The following SIN3A variants were observed in gnomAD, a reference collection of about 807,000 sequenced individuals.
The protein encoded by SIN3A is SIN3 transcription regulator family member A, also known as paired amphipathic helix protein Sin3a.
A neutral mutation model predicts 146.1 loss-of-function variants in SIN3A; 14 were observed. The ratio of observed to expected loss-of-function variants is 0.10; its 90% confidence interval spans 0.06 to 0.15. The LOEUF (loss-of-function observed/expected upper bound fraction) is 0.15. SIN3A is among the 10% of genes least tolerant of loss of function. SIN3A has a pLI of 1.00. For synonymous variants in SIN3A, 572 were observed against 572.0 expected (o/e 1.00, Z 0.00); for missense variants, 1,028 against 1,576.0 (o/e 0.65, Z 5.89).
At chr15:75,444,397 C>T (rs1439973404) in intron 1 of SIN3A, among the ~76,000 whole-genome samples, 2 of 151,978 alleles carry the variant, frequency 1.3e-5, no homozygotes, top group Non-Finnish European at 2.9e-5. Context: ...GCCAAGATCG[C>T]GCTACTGCAC....
At chr15:75,434,757 T>C (rs911112307) in intron 1 of SIN3A, among the ~76,000 whole-genome samples, 1 of 151,488 alleles carries the variant, frequency 6.6e-6, no homozygotes, top group Non-Finnish European at 1.5e-5. Flanking sequence ...GAGACCAGCC[T>C]GATCAACATG....
intron 19 of SIN3A, among the ~76,000 whole-genome samples, chr15:75,378,331 G>A (rs907525572): frequency 2.6e-5 from 4 of 152,180 alleles, no homozygotes; most frequent in Non-Finnish European, 4.4e-5. Flanking sequence ...TTGGGAGGCC[G>A]AGGTGGGAGG....
intron 1 of SIN3A, among the ~76,000 whole-genome samples, chr15:75,432,330 TCTGTTGGTTTAAAA>T (rs1180700517): frequency 6.6e-6 from 1 of 152,184 alleles, no homozygotes. Context: ...GGTCTTGGGT[TCTGTTGGTTTAAAA>T]CTGATGCTTA....
At chr15:75,392,085 T>C (rs1385697396) in intron 15 of SIN3A, among the ~76,000 whole-genome samples, 157 bp downstream of exon 15, 1 of 152,190 alleles carries the variant, frequency 6.6e-6, no homozygotes, top group Non-Finnish European at 1.5e-5. Context: ...CACAAGCAAC[T>C]AGAGCCTCCA....
intron 9 of SIN3A, among the ~76,000 whole-genome samples, chr15:75,406,523 T>C: frequency 6.6e-6 from 1 of 152,080 alleles, no homozygotes; most frequent in East Asian, 1.9e-4. Flanking sequence ...CCGTCTCTAC[T>C]AAAAATACAA....
Position 75,392,317 on chromosome 15 carries a change from A to G in SIN3A, c.2776T>C (p.Trp926Arg). 6.2e-7 allele frequency: 1 copy of G among 1,614,098 alleles called. No individual in the cohort carries two copies. Among genetic ancestry groups the G allele is most frequent in the Non-Finnish European group, 8.5e-7 (1 of 1,180,008 alleles). ...QIEEENRERE[W>R]EREVLGIKRD... ...TTTATGCCCAGCACTTCCCGTTCCC[A>G]TTCTCTCTCTCGGTTTTCTTCTTCA... The change falls in exon 15 of 21, where the codon TGG becomes CGG. Residue 926 changes from tryptophan to arginine, a missense_variant. Transcript: ENST00000394947.
chr15:75,421,267 A>G (rs2073836652), intron 3 of SIN3A: 1 of 152,240 alleles, frequency 6.6e-6, no homozygotes, highest in Non-Finnish European at 1.5e-5. Context: ...ATTTTGGTAC[A>G]CAGCCATCAC....
Position 75,410,302 on chromosome 15 carries a change from T to G in SIN3A, c.1009-16A>C. ...TCTGCTCTTTCTGAGGAATTGCAAA[T>G]GAAAAGAGATCATTTGGGCTACTGT... On this transcript the variant is annotated splice_polypyrimidine_tract_variant and intron_variant, in intron 6 of 20. Transcript: ENST00000394947. The G allele has an allele frequency of 6.2e-7, 1 of 1,608,728 alleles. No individual in the cohort carries two copies. The highest frequency in any genetic ancestry group is 8.5e-7 in the Non-Finnish European group (1 of 1,178,364).
chr15:75,377,827 T>C (rs913232969), intron 19 of SIN3A, among the ~76,000 whole-genome samples: 2 of 152,360 alleles, frequency 1.3e-5, no homozygotes, highest in South Asian at 4.1e-4. Flanking sequence ...ATCATCATTT[T>C]TACCCGAAAG....
At chr15:75,395,032 G>C (rs949929685) in intron 13 of SIN3A, among the ~76,000 whole-genome samples, 169 bp from the exon 14 acceptor site, 2 of 152,186 alleles carry the variant, frequency 1.3e-5, no homozygotes, top group Admixed American at 1.3e-4. Flanking sequence ...TCTGTTTCAT[G>C]AGGGAATTAC....
chr15:75,426,104 CATT>C (rs1248937287), intron 2 of SIN3A, among the ~76,000 whole-genome samples: 1 of 152,224 alleles, frequency 6.6e-6, no homozygotes, highest in African/African-American at 2.4e-5. Flanking sequence ...TATACAAACA[CATT>C]ATAGTTTCCA....
At chr15:75,381,581 G>A in intron 18 of SIN3A, 32 bp downstream of exon 18, 3 of 1,540,372 alleles carry the variant, frequency 1.9e-6, no homozygotes, top group Non-Finnish European at 2.7e-6. Flanking sequence ...GCTCTGCTTG[G>A]CACCTGGGGT....
chr15:75,423,444 C>T (rs774280153), intron 2 of SIN3A, among the ~76,000 whole-genome samples: 7 of 152,018 alleles, frequency 4.6e-5, no homozygotes, highest in African/African-American at 7.3e-5. Flanking sequence ...TTTGAGAGGC[C>T]AATGCAGGCG....
intron 1 of SIN3A, among the ~76,000 whole-genome samples, chr15:75,450,790 G>A (rs867289965): frequency 6.6e-6 from 1 of 152,232 alleles, no homozygotes; most frequent in Non-Finnish European, 1.5e-5. Flanking sequence ...GGCAGATCTA[G>A]GCGCCGAGAC....
rs1046015403 is a variant in SIN3A, at chr15:75,396,550, G to C, written c.1855-54C>G. The C allele has an allele frequency of 3.1e-6, 4 of 1,285,182 alleles. No individual in the cohort carries two copies. In the African/African-American group the frequency reaches 5.9e-5, roughly 19 times the overall value. 79.6% of individuals were successfully genotyped at this position (1,285,182 alleles called of 1,614,324 possible). A position where few individuals can be genotyped will look rare whatever the true frequency, so the allele number is the denominator to read the frequency against. ...TCAGGACCCAAATCAAAATAGAATA[G>C]AGTAGTGTTTAGAAGAATAAGGTAG... On this transcript the variant is annotated intron_variant, in intron 12 of 20. Coordinates refer to ENST00000394947, the MANE Select transcript of SIN3A (RefSeq NM_001145358.2).
At chr15:75,431,844 G>C (rs955046145) in intron 1 of SIN3A, among the ~76,000 whole-genome samples, 1 of 152,086 alleles carries the variant, frequency 6.6e-6, no homozygotes, top group Non-Finnish European at 1.5e-5. Flanking sequence ...TCCTGTCTCA[G>C]GTTTTTCTCA....
chr15:75,376,128 C>A (rs1421854869), intron 19 of SIN3A: 1 of 539,500 alleles, frequency 1.9e-6, no homozygotes, highest in Non-Finnish European at 3.3e-6. Context: ...TGAGAAACTT[C>A]TAGGCCTCTG....
chr15:75,435,692 A>G (rs1465788383), intron 1 of SIN3A, among the ~76,000 whole-genome samples: 10 of 145,958 alleles, frequency 6.9e-5, no homozygotes, highest in African/African-American at 2.3e-4. Context: ...GAGTGAAACT[A>G]CGTCTCAAAA....
rs752405863 is a variant in SIN3A, at chr15:75,430,325, C to T, written c.51G>A (p.Gln17=). The change falls in exon 2 of 21, where the codon CAG becomes CAA. Residue 17 remains glutamine, a synonymous_variant. Coordinates refer to ENST00000394947, the MANE Select transcript of SIN3A (RefSeq NM_001145358.2). ...CCTCTGTGCTGCCAGGGATCCGACG[C>T]TGCTGGGCTGCATACACCGGTGACT... ...DQESPVYAAQ[Q]RRIPGSTEAF... is the part of the protein sequence containing the mutation. 1.9e-6 allele frequency: 3 copies of T among 1,614,134 alleles called. No homozygotes were observed. The highest frequency in any genetic ancestry group is 2.2e-5 in the East Asian group (1 of 44,878).
Sources: gnomAD v4.1 joint callset for allele counts (sites outside exome capture counted in the v4.1 genomes callset) on GRCh38, gnomAD v4.1.1 for gene constraint, MANE v1.5 for transcripts, NCBI Gene and HGNC (gene_info 2026-07-23, HGNC 2026-07-21) for gene names.